CNTN5: variants seen among roughly 807,000 people sequenced by gnomAD.
CNTN5 encodes the protein contactin-5.
In CNTN5, 77 loss-of-function variants were observed where a neutral mutation model predicts 129.1. The ratio of observed to expected loss-of-function variants is 0.60; its 90% confidence interval spans 0.50 to 0.72. CNTN5 has a LOEUF of 0.72. Ranked by LOEUF, CNTN5 falls within the 30% of genes least tolerant of loss-of-function variation. The pLI, the probability that CNTN5 is intolerant of heterozygous loss-of-function variation, is 0.00. For missense variants in CNTN5, 1,478 were observed against 1,328.8 expected (o/e 1.11, Z -1.75); for synonymous variants, 509 against 465.6 (o/e 1.09, Z -1.20).
At chr11:99,974,592 TC>T (rs1407921082) in intron 8 of CNTN5, among the ~76,000 whole-genome samples, 1 of 152,132 alleles carries the variant, frequency 6.6e-6, no homozygotes, top group African/African-American at 2.4e-5. Context: ...AAGGAAAGAA[TC>T]CATCAAATTT....
intron 1 of CNTN5, among the ~76,000 whole-genome samples, chr11:99,274,082 C>T (rs574298622): frequency 4.0e-5 from 6 of 151,872 alleles, no homozygotes; most frequent in African/African-American, 7.2e-5. Flanking sequence ...AGTAGCCACA[C>T]GTAGCTAGTG....
intron 1 of CNTN5, among the ~76,000 whole-genome samples, chr11:99,072,069 A>C (rs1471736849): frequency 6.6e-6 from 1 of 152,138 alleles, no homozygotes; most frequent in African/African-American, 2.4e-5. Context: ...ATTTATATGA[A>C]GTTGACCATT....
At chr11:100,128,692 T>C (rs942706346) in intron 13 of CNTN5, among the ~76,000 whole-genome samples, 8 of 152,040 alleles carry the variant, frequency 5.3e-5, no homozygotes, top group Admixed American at 4.6e-4. Flanking sequence ...GTGTGTAGCC[T>C]CTAGAGGCTT....
intron 18 of CNTN5, among the ~76,000 whole-genome samples, chr11:100,288,658 A>G (rs1203100883): frequency 6.6e-6 from 1 of 151,930 alleles, no homozygotes; most frequent in Non-Finnish European, 1.5e-5. Context: ...AGAAAGCAGG[A>G]AAGATCCAAA....
At chr11:99,493,416 T>C (rs1334309688) in intron 2 of CNTN5, among the ~76,000 whole-genome samples, 1 of 152,236 alleles carries the variant, frequency 6.6e-6, no homozygotes, top group Non-Finnish European at 1.5e-5. Flanking sequence ...ATGTGTATTT[T>C]CATTTTATAG....
chr11:100,324,842 C>G (rs1565429366), intron 21 of CNTN5, among the ~76,000 whole-genome samples: 1 of 152,102 alleles, frequency 6.6e-6, no homozygotes, highest in Non-Finnish European at 1.5e-5. Context: ...TGAACTGCCT[C>G]ATAAATATTC....
rs1591479314 is a variant in CNTN5 at position 99,956,897 on chromosome 11, T to C, written c.765T>C (p.Tyr255=). The C allele has an allele frequency of 1.2e-6, 2 of 1,613,934 alleles. No individual in the cohort carries two copies. The highest frequency in any genetic ancestry group is 2.2e-5 in the East Asian group (1 of 44,858). ...TCTCCCAGGAGACAGGCAACCTTTA[T>C]ATTTCTAAAGTCCAAACATCAGATG... ...RFISQETGNL[Y]ISKVQTSDVG... Residue 255 remains tyrosine (Y), a synonymous_variant, in exon 8 of 25, where the codon TAT becomes TAC. Coordinates refer to ENST00000524871, the MANE Select transcript of CNTN5 (RefSeq NM_014361.4).
intron 1 of CNTN5, among the ~76,000 whole-genome samples, chr11:99,176,689 A>C (rs1195992913): frequency 6.6e-6 from 1 of 152,138 alleles, no homozygotes; most frequent in Non-Finnish European, 1.5e-5. Context: ...TTAGATTCTA[A>C]TCATTTCCCA....
intron 3 of CNTN5, among the ~76,000 whole-genome samples, chr11:99,811,320 TTTTGATGATA>T (rs1565557833): frequency 6.6e-6 from 1 of 151,948 alleles, no homozygotes; most frequent in Admixed American, 6.6e-5. Context: ...TTCAGGAATA[TTTTGATGATA>T]GCAAGTGATT....
At chr11:99,751,429 A>T (rs1944232376) in intron 3 of CNTN5, among the ~76,000 whole-genome samples, 1 of 152,198 alleles carries the variant, frequency 6.6e-6, no homozygotes, top group South Asian at 2.1e-4. Context: ...CCAGTCCCCA[A>T]AAGAGAGAGA....
intron 6 of CNTN5, among the ~76,000 whole-genome samples, chr11:99,850,775 A>AAGAG (rs1209576756): frequency 2.0e-5 from 3 of 152,128 alleles, no homozygotes; most frequent in Non-Finnish European, 4.4e-5. Context: ...GAAAGAAAGA[A>AAGAG]AAACATGTAA....
At chr11:99,932,024 T>C (rs1040410351) in intron 7 of CNTN5, among the ~76,000 whole-genome samples, 3 of 152,206 alleles carry the variant, frequency 2.0e-5, no homozygotes, top group Non-Finnish European at 4.4e-5. Context: ...CGATCCTTTT[T>C]TGAGTCTCCT....
intron 2 of CNTN5, among the ~76,000 whole-genome samples, chr11:99,375,222 G>A (rs545265578): frequency 4.2e-4 from 58 of 138,302 alleles, no homozygotes; most frequent in Non-Finnish European, 7.3e-4. Flanking sequence ...AGAATTGCTT[G>A]AATCCAGGAG....
At chr11:99,213,530 C>G (rs1859953692) in intron 1 of CNTN5, among the ~76,000 whole-genome samples, 1 of 149,108 alleles carries the variant, frequency 6.7e-6, no homozygotes, top group Admixed American at 6.8e-5. Context: ...TTGGCTCTTT[C>G]CTCTGTAGAA....
intron 2 of CNTN5, among the ~76,000 whole-genome samples, chr11:99,358,303 C>A (rs1483472955): frequency 2.4e-5 from 3 of 125,852 alleles, no homozygotes. Context: ...ACCGTGTTAG[C>A]CAGGATGATC....
chr11:99,304,279 C>T (rs534663988), intron 1 of CNTN5, among the ~76,000 whole-genome samples: 2 of 152,128 alleles, frequency 1.3e-5, no homozygotes, highest in Non-Finnish European at 2.9e-5. Flanking sequence ...CCTACTTTAC[C>T]TTAAACAGTC....
chr11:99,260,604 A>G (rs1347959088), intron 1 of CNTN5, among the ~76,000 whole-genome samples: 2 of 151,954 alleles, frequency 1.3e-5, no homozygotes, highest in African/African-American at 2.4e-5. Flanking sequence ...TGAAAACAAG[A>G]AAACTACACA....
intron 3 of CNTN5, among the ~76,000 whole-genome samples, chr11:99,744,494 G>A (rs1430253859): frequency 7.4e-6 from 1 of 135,558 alleles, no homozygotes; most frequent in East Asian, 2.4e-4. Flanking sequence ...GAGCCCAGGA[G>A]TTAGCGACCG....
chr11:100,232,683 T>G (rs7122990), intron 16 of CNTN5, among the ~76,000 whole-genome samples: 3,508 of 152,258 alleles, frequency 0.023, 138 homozygotes, highest in African/African-American at 0.079. Flanking sequence ...ATCAAACATT[T>G]ATAGAGCACA....
Sources: allele counts gnomAD v4.1 joint callset (sites outside exome capture counted in the v4.1 genomes callset), GRCh38; gene constraint gnomAD v4.1.1; transcripts MANE v1.5; gene names NCBI Gene and HGNC (gene_info 2026-07-23, HGNC 2026-07-21).